Variants in LRP3 observed in about 807,000 individuals in gnomAD.
LRP3 encodes low-density lipoprotein receptor-related protein 3.
A neutral mutation model predicts 58.5 loss-of-function variants in LRP3; 49 were observed. That is an observed-to-expected ratio of 0.84 (90% CI 0.67 to 1.06). LRP3 has a LOEUF of 1.06. Ranked by LOEUF, LRP3 falls within the 50% of genes least tolerant of loss-of-function variation. The pLI, the probability that LRP3 is intolerant of heterozygous loss-of-function variation, is 0.00. For missense variants in LRP3, 1,019 were observed against 1,134.2 expected, an observed-to-expected ratio of 0.90 and a Z score of 1.46; for synonymous variants, 485 against 492.2, an observed-to-expected ratio of 0.99 and a Z score of 0.20.
chr19:33,208,435 G>T lies in LRP3; in HGVS notation c.*860G>T. The T allele has an allele frequency of 8.8e-6, 2 of 226,476 alleles. No individual in the cohort carries two copies. The highest frequency in any genetic ancestry group is 5.8e-5 in the South Asian group (1 of 17,272). 14.0% of individuals were successfully genotyped at this position (226,476 alleles called of 1,614,324 possible). ...CTCAGACTGGCATCGAGGGGCCTGGGGTAGGGGCGGACTGAGCTGCTACCC... is the reference window on the plus strand; with the variant it reads ...CTCAGACTGGCATCGAGGGGCCTGGTGTAGGGGCGGACTGAGCTGCTACCC... On this transcript the variant is annotated 3_prime_UTR_variant, in exon 7 of 7. Transcript: ENST00000253193. This position sits in a 1 kb window ranked among gnomAD's most constrained non-coding sequence, Gnocchi z 4.7.
At chr19:33,195,973 T>A (rs1974280945) in intron 1 of LRP3, among the ~76,000 whole-genome samples, 1 of 152,176 alleles carries the variant, frequency 6.6e-6, no homozygotes, top group South Asian at 2.1e-4. Context: ...ACACACATCC[T>A]GAACCCCGGG....
chr19:33,207,480 C>G lies in LRP3; in HGVS notation c.2218C>G (p.His740Asp). 1 of 1,600,964 alleles carries G rather than the reference C, an allele frequency of 6.2e-7. No homozygotes were observed. The highest frequency in any genetic ancestry group is 8.5e-7 in the Non-Finnish European group (1 of 1,177,136). The change falls in exon 7 of 7, where the codon CAC becomes GAC. Residue 740 changes from histidine to aspartate, a missense_variant. Coordinates refer to ENST00000253193, the MANE Select transcript of LRP3 (RefSeq NM_002333.4). ...CACTGCCAGCAGCACCCTGGGCCCC[C>G]ACTCGCCAGAGCCACTGGGGGTCTG... is the stretch of plus-strand genomic sequence containing the variant. The part of the protein sequence containing the change: ...VSTASSTLGP[H>D]SPEPLGVCRN...
chr19:33,206,621 C>G lies in LRP3; in HGVS notation c.1613C>G (p.Thr538Arg). 1 of 1,607,766 alleles carries G rather than the reference C, an allele frequency of 6.2e-7. No individual in the cohort carries two copies. The highest frequency in any genetic ancestry group is 2.2e-5 in the East Asian group (1 of 44,754). ...QEYRAFETQM[T>R]RLEAEFVRRE... ...TCTAGGGCCTTCGAGACCCAGATGACGCGCCTGGAGGCTGAGTTCGTGCGG... is the reference window on the plus strand; with the variant it reads ...TCTAGGGCCTTCGAGACCCAGATGAGGCGCCTGGAGGCTGAGTTCGTGCGG... The change falls in exon 6 of 7, where the codon ACG becomes AGG. Residue 538 changes from threonine (T) to arginine (R), a missense_variant. By Grantham distance (71) the Thr-to-Arg change is moderately conservative. Around this residue, in one of 2 missense-constraint regions of LRP3, gnomAD observed 427 missense variants for 408.6 expected, o/e 1.04. Transcript: ENST00000253193.
In LRP3 at chr19:33,204,743, C is replaced by T. The variant is rs956458938; in HGVS notation, c.366C>T (p.Ser122=). The T allele has an allele frequency of 1.8e-5, 29 of 1,612,414 alleles. No homozygotes were observed. Among genetic ancestry groups the T allele is most frequent in the South Asian group, 3.3e-5 (3 of 91,082 alleles). The part of the protein sequence containing the change: ...PRQEAFRLCG[S]AIPPAFISAR... ...AGGAGGCCTTCCGCCTCTGTGGCTC[C>T]GCCATCCCACCTGCCTTCATCTCTG... Residue 122 remains serine (S), a synonymous_variant, in exon 4 of 7, where the codon TCC becomes TCT. Transcript: ENST00000253193.
At chr19:33,201,049 C>T (rs1974336161) in intron 2 of LRP3, among the ~76,000 whole-genome samples, 1 of 152,202 alleles carries the variant, frequency 6.6e-6, no homozygotes, top group Non-Finnish European at 1.5e-5. Context: ...GCTCCAGCTG[C>T]CCAGCAGGTC....
In LRP3 at chr19:33,208,362, G is replaced by T; in HGVS notation, c.*787G>T. Reference sequence around the variant, plus strand: ...TTCACTCTGTGGTGATTTACGGGAAGAAAGACAATCCCAGCCTGGAGCCCC... The same window carrying T: ...TTCACTCTGTGGTGATTTACGGGAATAAAGACAATCCCAGCCTGGAGCCCC... On this transcript the variant is annotated 3_prime_UTR_variant, in exon 7 of 7. Transcript: ENST00000253193. This position sits in a 1 kb window ranked among gnomAD's most constrained non-coding sequence, Gnocchi z 4.7. The T allele has an allele frequency of 5.6e-6, 1 of 179,544 alleles. No homozygotes were observed. The highest frequency in any genetic ancestry group is 1.2e-5 in the Non-Finnish European group (1 of 83,624). The allele number at this position is 179,544 out of a possible 1,614,324, so 11.1% of individuals were successfully genotyped here. A position where few individuals can be genotyped will look rare whatever the true frequency, so the allele number is the denominator to read the frequency against.
In LRP3 at chr19:33,205,483, A is replaced by C; in HGVS notation, c.713A>C (p.Gln238Pro). Residue 238 changes from glutamine (Q) to proline (P), a missense_variant, in exon 5 of 7, where the codon CAG becomes CCG. Coordinates refer to ENST00000253193, the MANE Select transcript of LRP3 (RefSeq NM_002333.4). ...GTGGAGCGGCGCTGTGACGGCTTGC[A>C]GGACTGCGGCGACGGCTCGGATGAG... ...LPVERRCDGL[Q>P]DCGDGSDEAG... 6.3e-7 allele frequency: 1 copy of C among 1,582,810 alleles called. No homozygotes were observed. Among genetic ancestry groups the C allele is most frequent in the Non-Finnish European group, 8.6e-7 (1 of 1,167,210 alleles).
rs1197728653 is a variant in LRP3 at position 33,206,285 on chromosome 19, C to T, written c.1515C>T (p.Ser505=). ...TCATCACGGCGGCGCTCATTGGCAG[C>T]CTGGTGTGTGGCCTGCTGCTGGTCA... is the stretch of plus-strand genomic sequence containing the variant. The part of the protein sequence containing the change: ...RKVITAALIG[S]LVCGLLLVIA... Residue 505 remains serine, a synonymous_variant, in exon 5 of 7, where the codon AGC becomes AGT. Transcript: ENST00000253193. The T allele has an allele frequency of 1.3e-6, 2 of 1,598,330 alleles. No individual in the cohort carries two copies. The highest frequency in any genetic ancestry group is 8.5e-7 in the Non-Finnish European group (1 of 1,171,796).
rs1005848983 is a variant in LRP3 at position 33,206,888 on chromosome 19, G to A, written c.1726-100G>A. On this transcript the variant is annotated intron_variant, in intron 6 of 6. Coordinates refer to ENST00000253193, the MANE Select transcript of LRP3 (RefSeq NM_002333.4). ...GGGGGGGTGGACAAGGTGGTCTCTC[G>A]GGTCTCAGGTCCCTTGGGGGTGTGC... The A allele has an allele frequency of 1.5e-5, 18 of 1,203,638 alleles. No individual in the cohort carries two copies. In the Admixed American group the frequency reaches 4.3e-4, roughly 29 times the overall value. 74.6% of individuals were successfully genotyped at this position (1,203,638 alleles called of 1,614,324 possible).
In LRP3 at chr19:33,207,149, C is replaced by A. The variant is rs760556567; in HGVS notation, c.1887C>A (p.Arg629=). Residue 629 remains arginine, a synonymous_variant, in exon 7 of 7, where the codon CGC becomes CGA. Coordinates refer to ENST00000253193, the MANE Select transcript of LRP3 (RefSeq NM_002333.4). ...RGQIPLLTAA[R]PSQTVLGDGF... is the part of the protein sequence containing the mutation. ...AGATCCCACTGCTGACCGCAGCACG[C>A]CCCTCACAGACCGTGCTGGGCGATG... is the stretch of plus-strand genomic sequence containing the variant. 18 of 1,536,122 alleles carry A rather than the reference C, an allele frequency of 1.2e-5. No individual in the cohort carries two copies. Among genetic ancestry groups the A allele is most frequent in the East Asian group, 2.4e-5 (1 of 41,248 alleles).
chr19:33,198,878 G>A (rs775220181), intron 2 of LRP3, among the ~76,000 whole-genome samples: 12 of 152,232 alleles, frequency 7.9e-5, no homozygotes, highest in Non-Finnish European at 1.8e-4. Context: ...GCAGGTTGGC[G>A]GGGGTATTGA....
intron 4 of LRP3, 192 bp from the exon 5 acceptor site, chr19:33,205,054 A>G (rs1213144635): frequency 2.7e-6 from 2 of 743,250 alleles, no homozygotes; most frequent in Non-Finnish European, 4.3e-6. Flanking sequence ...CCCACTTCCC[A>G]GTCTTGGCTA....
At position 33,207,117 on chromosome 19, in the gene LRP3, C is replaced by T. The variant is rs552736353; in HGVS notation, c.1855C>T (p.Arg619Ter). Residue 619 changes from arginine to a stop codon, truncating the protein, a stop_gained, in exon 7 of 7, where the codon CGA (arginine) becomes TGA (stop). Transcript: ENST00000253193. LOFTEE classifies it low-confidence loss of function (END_TRUNC). ...GCTCTTTCACCGGCCGCGGGCGCCC[C>T]GAGGCCAGATCCCACTGCTGACCGC... ...NRLFHRPRAP[R>*]GQIPLLTAAR... 1.8e-5 allele frequency: 28 copies of T among 1,528,216 alleles called. No individual in the cohort carries two copies. Among genetic ancestry groups the T allele is most frequent in the East Asian group, 2.5e-5 (1 of 40,422 alleles). The allele number at this position is 1,528,216 out of a possible 1,614,324, so 94.7% of individuals were successfully genotyped here.
chr19:33,197,680 G>A lies in LRP3; in HGVS notation c.121+903G>A, dbSNP rs142787502. Among the ~76,000 whole-genome samples, 408 of 152,236 alleles carry A rather than the reference G, an allele frequency of 2.7e-3. 2 individuals are homozygous for A. Among genetic ancestry groups the A allele is most frequent in the African/African-American group, 9.3e-3 (385 of 41,530 alleles). On this transcript the variant is annotated intron_variant, in intron 2 of 6. Transcript: ENST00000253193. Reference sequence around the variant, plus strand: ...GGTGCAGCCCGGGAGAACAATGGGGGCCTCTGACTTGTTCGTTGCCTGCTG... The same window carrying A: ...GGTGCAGCCCGGGAGAACAATGGGGACCTCTGACTTGTTCGTTGCCTGCTG...
rs79320758 is a variant in LRP3, at chr19:33,204,385, G to T, written c.261-253G>T. Reference sequence around the variant, plus strand: ...TGGAGGGAAGGGGAGCCGCAGCAGAGCTGGAAATGACCTGCGTGGATGTCG... The same window carrying T: ...TGGAGGGAAGGGGAGCCGCAGCAGATCTGGAAATGACCTGCGTGGATGTCG... On this transcript the variant is annotated intron_variant, in intron 3 of 6. Transcript: ENST00000253193. 2.4e-3 allele frequency: 1,320 copies of T among 551,722 alleles called. 15 individuals carry two copies. Among genetic ancestry groups the T allele is most frequent in the African/African-American group, 0.023 (1,224 of 53,152 alleles). The allele number at this position is 551,722 out of a possible 1,614,324, so 34.2% of individuals were successfully genotyped here. A position where few individuals can be genotyped will look rare whatever the true frequency, so the allele number is the denominator to read the frequency against.
Position 33,205,526 on chromosome 19 carries a change from G to A in LRP3, c.756G>A (p.Leu252=). The change falls in exon 5 of 7, where the codon CTG becomes CTA. Residue 252 remains leucine, a synonymous_variant. Transcript: ENST00000253193. ...CGGATGAGGCGGGCTGCCCCGACCTGGCGTGCGGCCGGCGGCTGGGCAGCT... is the reference window on the plus strand; with the variant it reads ...CGGATGAGGCGGGCTGCCCCGACCTAGCGTGCGGCCGGCGGCTGGGCAGCT... ...DGSDEAGCPD[L]ACGRRLGSFY... 1 of 1,567,170 alleles carries A rather than the reference G, an allele frequency of 6.4e-7. No homozygotes were observed. Among genetic ancestry groups the A allele is most frequent in the South Asian group, 1.2e-5 (1 of 85,116 alleles).
At position 33,207,548 on chromosome 19, in the gene LRP3, C is replaced by T. The variant is rs150965907; in HGVS notation, c.2286C>T (p.Ser762=). 2.7e-4 allele frequency: 426 copies of T among 1,604,702 alleles called. No individual in the cohort carries two copies. The highest frequency in any genetic ancestry group is 3.6e-4 in the East Asian group (16 of 44,882). Residue 762 remains serine (S), a synonymous_variant, in exon 7 of 7, where the codon AGC becomes AGT. Coordinates refer to ENST00000253193, the MANE Select transcript of LRP3 (RefSeq NM_002333.4). ...PPPCSPMLEA[S]DDEALLVC ...CCTGCTCCCCAATGCTGGAGGCCAGCGATGATGAGGCCCTGTTGGTCTGTT... is the reference window on the plus strand; with the variant it reads ...CCTGCTCCCCAATGCTGGAGGCCAGTGATGATGAGGCCCTGTTGGTCTGTT...
rs1974358537 is a variant in LRP3 at position 33,203,044 on chromosome 19, G to A, written c.260+58G>A. ...ATGTGGGCCCACGTGCATGGGGTGG[G>A]TGAGAATGTGTGTGTGTGAGCAGGT... On this transcript the variant is annotated intron_variant, in intron 3 of 6. Transcript: ENST00000253193. 9 of 1,578,746 alleles carry A rather than the reference G, an allele frequency of 5.7e-6. No individual in the cohort carries two copies. The East Asian group carries it at 2.1e-4, about 36-fold the overall frequency.
chr19:33,204,513 G>A (rs1300086062), intron 3 of LRP3, 125 bp from the exon 4 acceptor site: 10 of 702,310 alleles, frequency 1.4e-5, no homozygotes, highest in Admixed American at 6.6e-5. Flanking sequence ...GAGGAGTGGG[G>A]GCAGCCGGCC....
Sources: allele counts gnomAD v4.1 joint callset (sites outside exome capture counted in the v4.1 genomes callset), GRCh38; gene constraint gnomAD v4.1.1; regional missense constraint gnomAD v4.1.1; non-coding constraint Gnocchi (gnomAD v3.1); transcripts MANE v1.5; gene names NCBI Gene and HGNC (gene_info 2026-07-23, HGNC 2026-07-21).